Variants in RANBP2 observed in about 807,000 individuals in gnomAD.
RANBP2 encodes RAN binding protein 2, also known as E3 SUMO-protein ligase RanBP2.
RANBP2 carries 57 observed loss-of-function variants against 303.6 expected under a neutral mutation model. That is an observed-to-expected ratio of 0.19 (90% CI 0.15 to 0.23). The LOEUF (loss-of-function observed/expected upper bound fraction) is 0.23. Among genes scored for constraint, RANBP2 ranks in the 10% least tolerant of loss-of-function variants. The probability of loss-of-function intolerance (pLI) is 1.00; values close to 1 mark genes in which losing one functional copy is unlikely to be tolerated. For synonymous variants in RANBP2, 1,167 were observed against 1,301.5 expected (o/e 0.90, Z 2.23); for missense variants, 3,138 against 3,780.8 (o/e 0.83, Z 4.46).
chr2:109,558,992 TCTC>T, the RANBP2 span, among the ~76,000 whole-genome samples: 2 of 152,006 alleles, frequency 1.3e-5, no homozygotes, highest in African/African-American at 4.8e-5. Flanking sequence ...TTCAAGCAAT[TCTC>T]CTGCCTCAGC....
chr2:109,506,677 G>A, the RANBP2 span, among the ~76,000 whole-genome samples: 1 of 152,272 alleles, frequency 6.6e-6, no homozygotes, highest in South Asian at 2.1e-4. Context: ...AAAGAAGCTT[G>A]ATTCCAAGAA....
chr2:109,706,325 C>T, the RANBP2 span, among the ~76,000 whole-genome samples: 1 of 152,362 alleles, frequency 6.6e-6, no homozygotes, highest in Middle Eastern at 3.4e-3. Flanking sequence ...CGTGACTTCT[C>T]CAGTGTCACT....
chr2:109,545,821 T>C, the RANBP2 span: 2 of 1,428,018 alleles, frequency 1.4e-6, no homozygotes, highest in South Asian at 3.2e-5. Context: ...TGTTCATTCA[T>C]TCATTTTGGC....
chr2:109,421,986 C>T, the RANBP2 span, among the ~76,000 whole-genome samples: 2 of 152,198 alleles, frequency 1.3e-5, no homozygotes, highest in Non-Finnish European at 2.9e-5. Context: ...TCAGACTGAC[C>T]TCATCAGTTT....
At chr2:109,410,689 C>T in the RANBP2 span, among the ~76,000 whole-genome samples, 2 of 152,356 alleles carry the variant, frequency 1.3e-5, no homozygotes, top group South Asian at 4.1e-4. Context: ...TGTGTGTCCA[C>T]TTGCCTAGGC....
the RANBP2 span, among the ~76,000 whole-genome samples, chr2:109,098,747 G>A: frequency 6.6e-6 from 1 of 152,196 alleles, no homozygotes; most frequent in Non-Finnish European, 1.5e-5. Context: ...AATGCATCAT[G>A]TATTTTAGCA....
the RANBP2 span, among the ~76,000 whole-genome samples, chr2:108,848,165 A>T: frequency 6.6e-6 from 1 of 152,210 alleles, no homozygotes; most frequent in African/African-American, 2.4e-5. Flanking sequence ...TTTATCATTT[A>T]ACTAAGATGT....
At chr2:108,944,287 T>C in the RANBP2 span, among the ~76,000 whole-genome samples, 2 of 152,206 alleles carry the variant, frequency 1.3e-5, no homozygotes, top group African/African-American at 4.8e-5. Context: ...CAAATTTTTG[T>C]ATTTTTAGTA....
At chr2:109,221,991 A>C in the RANBP2 span, among the ~76,000 whole-genome samples, 1 of 152,112 alleles carries the variant, frequency 6.6e-6, no homozygotes, top group Admixed American at 6.5e-5. Flanking sequence ...TAAAAAAAAA[A>C]AACACAGGGG....
chr2:108,916,417 C>T, the RANBP2 span, among the ~76,000 whole-genome samples: 1 of 152,240 alleles, frequency 6.6e-6, no homozygotes, highest in East Asian at 1.9e-4. Context: ...AGAGAGCACA[C>T]AGACTTGTGG....
the RANBP2 span, among the ~76,000 whole-genome samples, chr2:109,078,270 A>ATATATATATATATATATATAGCG: frequency 3.8e-4 from 4 of 10,430 alleles, no homozygotes; most frequent in African/African-American, 1.1e-3. Flanking sequence ...TATAGCGCGT[A>ATATATATATATATATATATAGCG]TATATATATA....
the RANBP2 span, among the ~76,000 whole-genome samples, chr2:109,079,915 A>G: frequency 6.6e-6 from 1 of 152,230 alleles, no homozygotes. Context: ...GGACGGGGCT[A>G]CACGGCCATG....
At chr2:108,814,123 G>A in the RANBP2 span, among the ~76,000 whole-genome samples, 13 of 152,234 alleles carry the variant, frequency 8.5e-5, no homozygotes, top group African/African-American at 3.1e-4. Flanking sequence ...CAATTTCTGG[G>A]TCATAAGGTC....
the RANBP2 span, among the ~76,000 whole-genome samples, chr2:109,526,581 G>A: frequency 1.3e-5 from 2 of 152,112 alleles, no homozygotes; most frequent in Non-Finnish European, 2.9e-5. Flanking sequence ...CAAAGTGCTC[G>A]GATTACAGGT....
chr2:109,377,113 A>G, the RANBP2 span, among the ~76,000 whole-genome samples: 24 of 152,332 alleles, frequency 1.6e-4, no homozygotes, highest in East Asian at 1.3e-3. Flanking sequence ...CTAGAATTCA[A>G]TCAGAGCTGT....
the RANBP2 span, among the ~76,000 whole-genome samples, chr2:109,653,621 C>T: frequency 6.6e-6 from 1 of 152,168 alleles, no homozygotes; most frequent in Admixed American, 6.5e-5. Flanking sequence ...TTCTCAAAGC[C>T]TTTGTAAAGG....
At chr2:108,815,996 C>T in the RANBP2 span, 608 of 1,613,346 alleles carry the variant, frequency 3.8e-4, 2 homozygotes, top group East Asian at 4.3e-3. Flanking sequence ...GACTGGATTT[C>T]GGATCATCAT....
At chr2:109,206,101 G>A in the RANBP2 span, among the ~76,000 whole-genome samples, 1 of 152,154 alleles carries the variant, frequency 6.6e-6, no homozygotes, top group Non-Finnish European at 1.5e-5. Context: ...GTGAATGGAT[G>A]GGTGACCCAA....
the RANBP2 span, chr2:108,873,701 T>C: frequency 3.0e-6 from 2 of 656,868 alleles, no homozygotes; most frequent in Non-Finnish European, 5.0e-6. Context: ...TGAAGAAGAA[T>C]TGCCTTGTGC....
Sources: allele counts gnomAD v4.1 joint callset (sites outside exome capture counted in the v4.1 genomes callset), GRCh38; gene constraint gnomAD v4.1.1; transcripts MANE v1.5; gene names NCBI Gene and HGNC (gene_info 2026-07-23, HGNC 2026-07-21).